OXSR1: variants seen among roughly 807,000 people sequenced by gnomAD.
The protein encoded by OXSR1 is serine/threonine-protein kinase OSR1.
OXSR1 carries 24 observed loss-of-function variants against 79.8 expected under a neutral mutation model. The ratio of observed to expected loss-of-function variants is 0.30; its 90% CI spans 0.22 to 0.42. OXSR1 has a LOEUF of 0.42. OXSR1 is among the 10% of genes least tolerant of loss of function. The probability of loss-of-function intolerance (pLI) is 1.00; values close to 1 mark genes in which losing one functional copy is unlikely to be tolerated. For synonymous variants in OXSR1, 226 were observed against 209.2 expected (o/e 1.08, Z -0.69); for missense variants, 430 against 618.4 (o/e 0.70, Z 3.23).
rs530429731 is a variant in OXSR1 at position 38,235,214 on chromosome 3, C to CT, written c.952-1622dup. On this transcript the variant is annotated intron_variant, in intron 10 of 17. Coordinates refer to ENST00000311806, the MANE Select transcript of OXSR1 (RefSeq NM_005109.3). ...ATACTAAAAATCATTGAACTGTATA[C>CT]TTTGAGTGGTTCAGTTGTATGGTAT... 7.2e-5 allele frequency among the ~76,000 whole-genome samples: 11 copies of CT among 152,236 alleles called. No homozygotes were observed. The East Asian group carries it at 2.1e-3, about 29-fold the overall frequency.
chr3:38,164,907 A>G (rs906154467), upstream of OXSR1, among the ~76,000 whole-genome samples: 19 of 152,278 alleles, frequency 1.2e-4, no homozygotes, highest in Admixed American at 9.2e-4. Flanking sequence ...CACTCCGACC[A>G]GTGGCCCAAG....
chr3:38,182,949 T>C, intron 1 of OXSR1, 54 bp from the exon 2 acceptor site: 2 of 939,202 alleles, frequency 2.1e-6, no homozygotes, highest in Non-Finnish European at 1.7e-6. Context: ...ATTAGAAATG[T>C]CATGTTTTTA....
intron 10 of OXSR1, among the ~76,000 whole-genome samples, chr3:38,230,945 GA>G (rs1453463359): frequency 3.9e-5 from 6 of 152,198 alleles, no homozygotes; most frequent in Admixed American, 3.9e-4. Context: ...AGAGCAGGGA[GA>G]AGAAAATCCT....
In OXSR1 at chr3:38,216,147, T is replaced by C; in HGVS notation, c.486T>C (p.Ile162=). The change falls in exon 5 of 18, where the codon ATT becomes ATC. Residue 162 remains isoleucine (I), a synonymous_variant. Coordinates refer to ENST00000311806, the MANE Select transcript of OXSR1 (RefSeq NM_005109.3). ...TTGGAGAAGATGGCTCAGTACAGAT[T>C]GCAGGTAATGATTAGTATTTCTTTT... is the stretch of plus-strand genomic sequence containing the variant. The part of the protein sequence containing the change: ...ILLGEDGSVQ[I]ADFGVSAFLA... The C allele has an allele frequency of 6.4e-7, 1 of 1,571,794 alleles. No homozygotes were observed. Among genetic ancestry groups the C allele is most frequent in the Non-Finnish European group, 8.7e-7 (1 of 1,146,576 alleles).
intron 1 of OXSR1, among the ~76,000 whole-genome samples, chr3:38,166,463 C>T (rs1397554416): frequency 6.6e-6 from 1 of 151,968 alleles, no homozygotes; most frequent in Non-Finnish European, 1.5e-5. Flanking sequence ...ACTGACTTTC[C>T]AGTCGGGGAG....
At chr3:38,234,586 A>G (rs1192505247) in intron 10 of OXSR1, among the ~76,000 whole-genome samples, 1 of 152,248 alleles carries the variant, frequency 6.6e-6, no homozygotes, top group Non-Finnish European at 1.5e-5. Flanking sequence ...TCAAAAAGAC[A>G]GTAACAACTG....
intron 1 of OXSR1, among the ~76,000 whole-genome samples, chr3:38,168,657 C>G (rs1701514613): frequency 6.6e-6 from 1 of 152,208 alleles, no homozygotes; most frequent in African/African-American, 2.4e-5. Context: ...TGCCTCATGT[C>G]CATTTGCAGT....
At chr3:38,244,670 T>TGCGC (rs1491132034) in intron 12 of OXSR1, among the ~76,000 whole-genome samples, 4 of 149,626 alleles carry the variant, frequency 2.7e-5, no homozygotes, top group Non-Finnish European at 4.4e-5. Context: ...TGTGTGTGCG[T>TGCGC]GCGCATGTAC....
chr3:38,203,461 A>T (rs1211854530), intron 4 of OXSR1, among the ~76,000 whole-genome samples: 1 of 152,080 alleles, frequency 6.6e-6, no homozygotes, highest in Non-Finnish European at 1.5e-5. Flanking sequence ...CTCCGCACAC[A>T]GGGAGAACAC....
Position 38,183,096 on chromosome 3 carries a change from C to T in OXSR1, c.164C>T (p.Thr55Ile), listed in dbSNP as rs1559502914. The change falls in exon 2 of 18, where the codon ACT (threonine) becomes ATT (isoleucine). Residue 55 changes from threonine to isoleucine, a missense_variant. Physicochemically the swap from Thr to Ile is moderately conservative, Grantham distance 89 (BLOSUM62 -1). This residue lies in a region of OXSR1 where 145 missense variants were observed against 228.3 expected (regional missense o/e 0.64). Coordinates refer to ENST00000311806, the MANE Select transcript of OXSR1 (RefSeq NM_005109.3). ...CGGATAAACCTTGAGAAATGTCAAA[C>T]TAGCATGGATGAACTCCTGGTATGC... Reference protein sequence around the residue: ...IKRINLEKCQTSMDELLKEIQ... With the variant: ...IKRINLEKCQISMDELLKEIQ... 4 of 1,605,092 alleles carry T rather than the reference C, an allele frequency of 2.5e-6. No homozygotes were observed. Among genetic ancestry groups the T allele is most frequent in the African/African-American group, 2.7e-5 (2 of 74,700 alleles).
intron 11 of OXSR1, among the ~76,000 whole-genome samples, chr3:38,240,473 C>T (rs760742874): frequency 1.1e-4 from 17 of 151,968 alleles, no homozygotes; most frequent in Admixed American, 5.9e-4. Context: ...TATGTATATA[C>T]GTGTGTCTGT....
chr3:38,172,487 G>T (rs1387949217), intron 1 of OXSR1, among the ~76,000 whole-genome samples: 1 of 152,180 alleles, frequency 6.6e-6, no homozygotes, highest in Non-Finnish European at 1.5e-5. Flanking sequence ...GGTTTAAGGT[G>T]TGATTCACCT....
intron 4 of OXSR1, among the ~76,000 whole-genome samples, chr3:38,204,443 C>T (rs1029155664): frequency 6.6e-6 from 1 of 152,034 alleles, no homozygotes; most frequent in Non-Finnish European, 1.5e-5. Context: ...TGTGCTGGGT[C>T]ACACCTGAAG....
At chr3:38,167,611 T>A (rs968191869) in intron 1 of OXSR1, among the ~76,000 whole-genome samples, 3 of 152,236 alleles carry the variant, frequency 2.0e-5, no homozygotes, top group African/African-American at 4.8e-5. Context: ...TAAAGCAATA[T>A]TGGTTCGTAT....
At chr3:38,168,535 A>G (rs947724494) in intron 1 of OXSR1, among the ~76,000 whole-genome samples, 2 of 152,206 alleles carry the variant, frequency 1.3e-5, no homozygotes, top group African/African-American at 2.4e-5. Flanking sequence ...TTTACGTACC[A>G]TAAGATTTAC....
At chr3:38,166,789 C>CAA (rs915290107) in intron 1 of OXSR1, among the ~76,000 whole-genome samples, 1,194 of 62,442 alleles carry the variant, frequency 0.019, 27 homozygotes, top group African/African-American at 0.05. Context: ...GACTCTGACT[C>CAA]AAAAAAAAAA....
Position 38,254,785 on chromosome 3 carries a change from G to A in OXSR1, c.*1894G>A, listed in dbSNP as rs1313894157. 6.6e-6 allele frequency: 1 copy of A among 151,816 alleles called. No individual in the cohort carries two copies. Among genetic ancestry groups the A allele is most frequent in the Admixed American group, 6.6e-5 (1 of 15,186 alleles). The allele number at this position is 151,816 out of a possible 1,614,324, so 9.4% of individuals were successfully genotyped here. A position where few individuals can be genotyped will look rare whatever the true frequency, so the allele number is the denominator to read the frequency against. On this transcript the variant is annotated 3_prime_UTR_variant, in exon 18 of 18. Coordinates refer to ENST00000311806, the MANE Select transcript of OXSR1 (RefSeq NM_005109.3). ...ATCCAAGGGGTGGCAGCATCACTCT[G>A]TTCTAGCATTCTTTGTGGAGATGGT...
At chr3:38,199,279 T>C (rs1702119790) in intron 4 of OXSR1, among the ~76,000 whole-genome samples, 1 of 151,856 alleles carries the variant, frequency 6.6e-6, no homozygotes, top group South Asian at 2.1e-4. Flanking sequence ...TTTTCTTTTT[T>C]TTTTTTTGAA....
intron 13 of OXSR1, among the ~76,000 whole-genome samples, chr3:38,246,926 G>A (rs567281786): frequency 2.2e-4 from 33 of 151,224 alleles, no homozygotes; most frequent in Non-Finnish European, 3.8e-4. Flanking sequence ...CTTGTCTAAC[G>A]TTTTAGATGA....
Sources: allele counts gnomAD v4.1 joint callset (sites outside exome capture counted in the v4.1 genomes callset), GRCh38; gene constraint gnomAD v4.1.1; regional missense constraint gnomAD v4.1.1; transcripts MANE v1.5; gene names NCBI Gene and HGNC (gene_info 2026-07-23, HGNC 2026-07-21).